Variants in KLC1 observed in about 807,000 individuals in gnomAD.
KLC1 encodes the protein kinesin 2 60/70kDa.
KLC1 carries 30 observed loss-of-function variants against 84.2 expected under a neutral mutation model. The observed-to-expected ratio is 0.36, with a 90% CI of 0.27 to 0.48. The LOEUF is 0.48. Ranked by LOEUF, KLC1 falls within the 20% of genes least tolerant of loss-of-function variation. The pLI is 0.99. For missense variants in KLC1, 499 were observed against 805.4 expected (o/e 0.62, Z 4.60); for synonymous variants, 289 against 293.3 (o/e 0.99, Z 0.15).
chr14:103,696,110 C>CA, intron 15 of KLC1: 1 of 884,312 alleles, frequency 1.1e-6, no homozygotes, highest in Non-Finnish European at 1.3e-6. Context: ...CCCCCGCCCC[C>CA]CCCCACAGCA....
chr14:103,672,378 C>T (rs1212130026), intron 7 of KLC1, among the ~76,000 whole-genome samples: 1 of 151,978 alleles, frequency 6.6e-6, no homozygotes, highest in Non-Finnish European at 1.5e-5. Flanking sequence ...TTTTTCGATG[C>T]GGAGATTACA....
chr14:103,650,428 C>T (rs76096805), intron 1 of KLC1, among the ~76,000 whole-genome samples: 2,949 of 152,184 alleles, frequency 0.019, 59 homozygotes, highest in African/African-American at 0.048. Context: ...GAATCATCTC[C>T]AGGCATACAC....
At chr14:103,687,336 A>G (rs941270537) in intron 14 of KLC1, 125 bp downstream of exon 14, 41 of 994,162 alleles carry the variant, frequency 4.1e-5, no homozygotes, top group Non-Finnish European at 3.6e-5. Flanking sequence ...CCGTATTCTC[A>G]CAACCGAAGG....
At chr14:103,643,454 T>G (rs966583046) in intron 1 of KLC1, among the ~76,000 whole-genome samples, 1 of 152,234 alleles carries the variant, frequency 6.6e-6, no homozygotes, top group Non-Finnish European at 1.5e-5. Context: ...AGAATTGTTA[T>G]GAAAAGATTC....
intron 1 of KLC1, among the ~76,000 whole-genome samples, chr14:103,648,779 T>G (rs2078156782): frequency 6.6e-6 from 1 of 151,962 alleles, no homozygotes; most frequent in Non-Finnish European, 1.5e-5. Flanking sequence ...TCAGCCTGGG[T>G]GACAGAGTGA....
chr14:103,696,626 C>G, intron 15 of KLC1: 1 of 985,526 alleles, frequency 1.0e-6, no homozygotes, highest in Non-Finnish European at 1.2e-6. Flanking sequence ...CTGACCGTGT[C>G]TTGCTGGGGC....
chr14:103,691,783 T>G (rs1167100336), intron 14 of KLC1, among the ~76,000 whole-genome samples: 1 of 151,782 alleles, frequency 6.6e-6, no homozygotes, highest in Non-Finnish European at 1.5e-5. Context: ...TCGTTTTGTT[T>G]TAAAGAGAGA....
In KLC1 at chr14:103,694,429, G is replaced by A. The variant is rs1451609452; in HGVS notation, c.1848+2004G>A. 5 of 984,194 alleles carry A rather than the reference G, an allele frequency of 5.1e-6. No homozygotes were observed. The highest frequency in any genetic ancestry group is 5.2e-4 in the Middle Eastern group (1 of 1,916). The allele number at this position is 984,194 out of a possible 1,614,324, so 61.0% of individuals were successfully genotyped here. On this transcript the variant is annotated intron_variant, in intron 15 of 16. Coordinates refer to ENST00000334553, the MANE Select transcript of KLC1 (RefSeq NM_001394837.1). This position sits in a 1 kb window ranked among gnomAD's most constrained non-coding sequence, Gnocchi z 4.5. Reference sequence around the variant, plus strand: ...AGGCGGATCACAAGGTCAGGAGATCGAGACCATCCTGGCTAACATGGCGTT... The same window carrying A: ...AGGCGGATCACAAGGTCAGGAGATCAAGACCATCCTGGCTAACATGGCGTT...
intron 5 of KLC1, among the ~76,000 whole-genome samples, chr14:103,667,262 C>A (rs886412701): frequency 6.6e-6 from 1 of 151,038 alleles, no homozygotes; most frequent in Non-Finnish European, 1.5e-5. Flanking sequence ...CAGGTGCCTG[C>A]CACCACACCC....
chr14:103,687,265 T>G, intron 14 of KLC1, 54 bp downstream of exon 14: 1 of 1,478,788 alleles, frequency 6.8e-7, no homozygotes, highest in South Asian at 1.2e-5. Flanking sequence ...GCTGGGCCGC[T>G]TCTCTTCCTA....
At chr14:103,631,937 A>G (rs913237713) in intron 1 of KLC1, among the ~76,000 whole-genome samples, 1 of 152,212 alleles carries the variant, frequency 6.6e-6, no homozygotes, top group Non-Finnish European at 1.5e-5. Context: ...ATGATCAGTA[A>G]TATACTCAAG....
rs575885603 is a variant in KLC1 at position 103,657,623 on chromosome 14, G to T, written c.339G>T (p.Leu113=). 6.2e-6 allele frequency: 10 copies of T among 1,614,194 alleles called. No homozygotes were observed. In the African/African-American group the frequency reaches 1.3e-4, roughly 22 times the overall value. Residue 113 remains leucine (L), a synonymous_variant, in exon 3 of 17, where the codon CTG becomes CTT. Transcript: ENST00000334553. The part of the protein sequence containing the change: ...KQKLRAQVRR[L]CQENQWLRDE... ...AACTGCGTGCGCAGGTTCGTCGTCT[G>T]TGCCAGGAGAATCAGTGGCTACGGG...
At chr14:103,671,284 G>C (rs1225703796) in intron 7 of KLC1, among the ~76,000 whole-genome samples, 1 of 152,046 alleles carries the variant, frequency 6.6e-6, no homozygotes, top group African/African-American at 2.4e-5. Context: ...ATAACAACTT[G>C]TTCATTTCAG....
Position 103,694,292 on chromosome 14 carries a change from C to T in KLC1, c.1848+1867C>T. The stretch of plus-strand genomic sequence containing the variant: ...TTTGAGACGGAGTCTAACTCTGTTG[C>T]CCAGGCTGGAGCGCAGTGGCCCAAT... On this transcript the variant is annotated intron_variant, in intron 15 of 16. Transcript: ENST00000334553. The surrounding 1 kb of genome is among the most constrained non-coding windows in gnomAD (Gnocchi z 4.5). 4 of 963,068 alleles carry T rather than the reference C, an allele frequency of 4.2e-6. No individual in the cohort carries two copies. In the South Asian group the frequency reaches 1.9e-4, roughly 47 times the overall value. The allele number at this position is 963,068 out of a possible 1,614,324, so 59.7% of individuals were successfully genotyped here.
chr14:103,642,242 T>C (rs1453071802), intron 1 of KLC1, among the ~76,000 whole-genome samples: 1 of 152,170 alleles, frequency 6.6e-6, no homozygotes, highest in East Asian at 1.9e-4. Flanking sequence ...GGTTCCCTTT[T>C]TTAAAGGCAC....
intron 15 of KLC1, chr14:103,699,046 G>C (rs56225499): frequency 6.4e-7 from 1 of 1,567,542 alleles, no homozygotes; most frequent in Non-Finnish European, 8.7e-7. Flanking sequence ...GCAAGCTGGC[G>C]CTCAGGCTTG....
chr14:103,658,828 T>C (rs2079039528), intron 3 of KLC1, among the ~76,000 whole-genome samples: 1 of 150,860 alleles, frequency 6.6e-6, no homozygotes, highest in African/African-American at 2.4e-5. Context: ...TGGCCAATTT[T>C]TTGTATTTTT....
At chr14:103,675,154 C>G (rs1044812865) in intron 9 of KLC1, among the ~76,000 whole-genome samples, 1 of 152,122 alleles carries the variant, frequency 6.6e-6, no homozygotes, top group South Asian at 2.1e-4. Context: ...GAAACCCCAT[C>G]TCTACTAAAA....
chr14:103,661,843 C>G (rs999484638), intron 3 of KLC1, among the ~76,000 whole-genome samples: 1 of 152,072 alleles, frequency 6.6e-6, no homozygotes, highest in Non-Finnish European at 1.5e-5. Context: ...CCTCAAAGCG[C>G]GGGAGAAGGA....
Sources: allele counts gnomAD v4.1 joint callset (sites outside exome capture counted in the v4.1 genomes callset), GRCh38; gene constraint gnomAD v4.1.1; non-coding constraint Gnocchi (gnomAD v3.1); transcripts MANE v1.5; gene names NCBI Gene and HGNC (gene_info 2026-07-23, HGNC 2026-07-21).